ACACB: variants seen among roughly 807,000 people sequenced by gnomAD.
ACACB encodes the protein acetyl-CoA carboxylase beta, also known as acetyl-CoA carboxylase 2.
Under a neutral mutation model 278.8 loss-of-function variants are expected in ACACB, and 209 were observed. The ratio of observed to expected loss-of-function variants is 0.75; its 90% confidence interval spans 0.67 to 0.84. The LOEUF (loss-of-function observed/expected upper bound fraction) is 0.84. Among genes scored for constraint, ACACB ranks in the 40% least tolerant of loss-of-function variants. The probability of loss-of-function intolerance (pLI) is 0.00; values close to 1 mark genes in which losing one functional copy is unlikely to be tolerated. For missense variants in ACACB, 2,850 were observed against 3,269.0 expected (o/e 0.87, Z 3.13); for synonymous variants, 1,174 against 1,285.6 (o/e 0.91, Z 1.86).
intron 2 of ACACB, among the ~76,000 whole-genome samples, chr12:109,148,803 T>TGTATGC (rs1470976403): frequency 2.0e-5 from 3 of 152,132 alleles, no homozygotes; most frequent in African/African-American, 7.2e-5. Flanking sequence ...TGTGTGTGTG[T>TGTATGC]GTATGCGTAT....
intron 16 of ACACB, among the ~76,000 whole-genome samples, chr12:109,194,590 C>T (rs1204512441): frequency 5.3e-4 from 34 of 63,856 alleles, no homozygotes; most frequent in African/African-American, 1.6e-3. Flanking sequence ...CAGTCATGAG[C>T]CACCCCCTGG....
chr12:109,167,836 A>C (rs897061645), intron 3 of ACACB, 60 bp from the exon 4 acceptor site: 2 of 1,611,444 alleles, frequency 1.2e-6, no homozygotes, highest in African/African-American at 1.3e-5. Flanking sequence ...TCGGGGTAGC[A>C]CGTGGCCCCC....
At chr12:109,193,751 C>A in intron 16 of ACACB, 22 bp downstream of exon 16, 1 of 1,580,974 alleles carries the variant, frequency 6.3e-7, no homozygotes, top group South Asian at 1.1e-5. Flanking sequence ...CGTGCCTCTC[C>A]GATGTCTCCA....
intron 17 of ACACB, among the ~76,000 whole-genome samples, chr12:109,197,973 C>T (rs1371367410): frequency 1.3e-5 from 2 of 152,162 alleles, no homozygotes; most frequent in Admixed American, 6.5e-5. Context: ...TGACTCACTG[C>T]AGCCTCAACT....
intron 17 of ACACB, among the ~76,000 whole-genome samples, chr12:109,197,428 G>T (rs1242118920): frequency 6.6e-6 from 1 of 152,162 alleles, no homozygotes; most frequent in Non-Finnish European, 1.5e-5. Context: ...TCTGTGGCCT[G>T]CGAGGTGTGT....
intron 36 of ACACB, chr12:109,242,051 G>A (rs961493436): frequency 6.2e-6 from 1 of 161,690 alleles, no homozygotes; most frequent in Non-Finnish European, 1.3e-5. Flanking sequence ...TTTTCACCCA[G>A]TTTCCCCCAA....
At chr12:109,216,761 A>G (rs1188539088) in intron 23 of ACACB, 35 bp from the exon 24 acceptor site, 1 of 1,614,084 alleles carries the variant, frequency 6.2e-7, no homozygotes, top group Non-Finnish European at 8.5e-7. Flanking sequence ...GAGGAGCCTG[A>G]GCTTTACCTC....
At chr12:109,210,335 ATACACG>A (rs1349276073) in intron 21 of ACACB, among the ~76,000 whole-genome samples, 1 of 102,762 alleles carries the variant, frequency 9.7e-6, no homozygotes, top group African/African-American at 3.4e-5. Context: ...ATATATGTAT[ATACACG>A]CACACACATA....
chr12:109,211,566 A>G (rs1264503198), intron 21 of ACACB, among the ~76,000 whole-genome samples: 2 of 152,044 alleles, frequency 1.3e-5, no homozygotes, highest in East Asian at 1.9e-4. Context: ...TGTGATTCCA[A>G]TTTTATGAAA....
chr12:109,261,059 T>C (rs1156443801), intron 48 of ACACB, among the ~76,000 whole-genome samples: 1 of 152,180 alleles, frequency 6.6e-6, no homozygotes, highest in Non-Finnish European at 1.5e-5. Flanking sequence ...CATGAGAGGA[T>C]ACCGGTTCTT....
At chr12:109,136,735 A>G (rs2042974532) in intron 1 of ACACB, among the ~76,000 whole-genome samples, 3 of 152,140 alleles carry the variant, frequency 2.0e-5, no homozygotes, top group South Asian at 4.1e-4. Context: ...TACAATACCA[A>G]GGTTTTCTGT....
intron 1 of ACACB, among the ~76,000 whole-genome samples, chr12:109,121,293 G>C (rs1209646211): frequency 6.6e-6 from 1 of 152,106 alleles, no homozygotes; most frequent in Non-Finnish European, 1.5e-5. Flanking sequence ...ACTACTATAT[G>C]CCTCCTAGTG....
At chr12:109,256,745 T>C (rs1012301360) in intron 45 of ACACB, among the ~76,000 whole-genome samples, 3 of 152,174 alleles carry the variant, frequency 2.0e-5, no homozygotes, top group Non-Finnish European at 4.4e-5. Flanking sequence ...TTACCACTCA[T>C]TCCTGGTACG....
intron 6 of ACACB, among the ~76,000 whole-genome samples, chr12:109,172,708 A>C (rs989571686): frequency 6.6e-6 from 1 of 152,238 alleles, no homozygotes; most frequent in Non-Finnish European, 1.5e-5. Context: ...ACGCTTATGC[A>C]CTGTTGGTGG....
At chr12:109,198,786 AT>A (rs566012613) in intron 17 of ACACB, among the ~76,000 whole-genome samples, 251 of 145,632 alleles carry the variant, frequency 1.7e-3, no homozygotes, top group Admixed American at 1.8e-3. Context: ...ACGCCCAGCT[AT>A]TTTTTTTTTT....
intron 36 of ACACB, 110 bp downstream of exon 36, chr12:109,241,391 C>A: frequency 8.8e-7 from 1 of 1,130,778 alleles, no homozygotes; most frequent in East Asian, 2.4e-5. Flanking sequence ...CTTGCTCTCC[C>A]ATGTCATTCT....
chr12:109,231,331 T>G (rs111485652), intron 28 of ACACB, among the ~76,000 whole-genome samples: 4,260 of 152,356 alleles, frequency 0.028, 68 homozygotes, highest in Middle Eastern at 0.048. Flanking sequence ...TCTATTTTTT[T>G]TTAACCTGAA....
At chr12:109,130,195 A>G (rs1164515544) in intron 1 of ACACB, among the ~76,000 whole-genome samples, 2 of 152,130 alleles carry the variant, frequency 1.3e-5, no homozygotes, top group Admixed American at 6.5e-5. Context: ...GTACAGCCCA[A>G]CTGCATCCAG....
chr12:109,186,075 C>T (rs894293816), intron 12 of ACACB, among the ~76,000 whole-genome samples: 73 of 152,004 alleles, frequency 4.8e-4, no homozygotes, highest in African/African-American at 4.4e-4. Context: ...GGATTACAGG[C>T]GCCCGCCACC....
Sources: gnomAD v4.1 joint callset for allele counts (sites outside exome capture counted in the v4.1 genomes callset) on GRCh38, gnomAD v4.1.1 for gene constraint, MANE v1.5 for transcripts, NCBI Gene and HGNC (gene_info 2026-07-23, HGNC 2026-07-21) for gene names.